The following CDH9 variants were observed in gnomAD, a reference collection of about 807,000 sequenced individuals.
CDH9 encodes cadherin 9.
A neutral mutation model predicts 70.9 loss-of-function variants in CDH9; 28 were observed. That is an observed-to-expected ratio of 0.40 (90% confidence interval 0.29 to 0.54). The LOEUF (loss-of-function observed/expected upper bound fraction) is 0.54, where lower values mean the gene tolerates loss of function less well. Among genes scored for constraint, CDH9 ranks in the 20% least tolerant of loss-of-function variants. CDH9 has a pLI of 0.59. For missense variants in CDH9, 874 were observed against 984.4 expected (o/e 0.89, Z 1.50); for synonymous variants, 409 against 343.1 (o/e 1.19, Z -2.12).
chr5:26,992,814 T>C (rs1742598832), intron 1 of CDH9, among the ~76,000 whole-genome samples: 1 of 152,014 alleles, frequency 6.6e-6, no homozygotes, highest in African/African-American at 2.4e-5. Flanking sequence ...ATCTAAATAA[T>C]GGCCGGGCGT....
chr5:27,032,575 C>T (rs1579524379), intron 1 of CDH9, among the ~76,000 whole-genome samples: 1 of 151,478 alleles, frequency 6.6e-6, no homozygotes, highest in South Asian at 2.1e-4. Flanking sequence ...TATTCCACTC[C>T]CTGCTTAATA....
chr5:27,023,310 C>G (rs1743170592), intron 1 of CDH9, among the ~76,000 whole-genome samples: 2 of 151,890 alleles, frequency 1.3e-5, no homozygotes, highest in Admixed American at 1.3e-4. Flanking sequence ...TCGGGAGGCT[C>G]GGTTGATTCA....
rs574429664 is a variant in CDH9 at position 27,004,691 on chromosome 5, T to G, written c.-49-16309A>C. On this transcript the variant is annotated intron_variant, in intron 1 of 11. Transcript: ENST00000231021. Reference sequence around the variant, plus strand: ...TACTAATGAGAGACACATGAGATGTTCAGGTTGTGTGTGGGAGTAGAAAGT... The same window carrying G: ...TACTAATGAGAGACACATGAGATGTGCAGGTTGTGTGTGGGAGTAGAAAGT... Among the ~76,000 whole-genome samples the G allele has an allele frequency of 1.8e-4, 27 of 152,246 alleles. No homozygotes were observed. The South Asian group carries it at 5.6e-3, about 32-fold the overall frequency.
intron 2 of CDH9, among the ~76,000 whole-genome samples, chr5:26,936,818 C>T (rs1403388904): frequency 6.6e-6 from 1 of 151,812 alleles, no homozygotes; most frequent in Non-Finnish European, 1.5e-5. Context: ...TGGGCATCTG[C>T]ATTGAAAAAT....
intron 1 of CDH9, among the ~76,000 whole-genome samples, chr5:27,017,234 A>G (rs1743061455): frequency 6.6e-6 from 1 of 152,012 alleles, no homozygotes; most frequent in Non-Finnish European, 1.5e-5. Context: ...GTAGAGGAAG[A>G]GATTTGAGGT....
intron 2 of CDH9, 21 bp downstream of exon 2, chr5:26,988,085 T>A: frequency 6.4e-7 from 1 of 1,555,452 alleles, no homozygotes; most frequent in Non-Finnish European, 8.8e-7. Context: ...GCTTTTAGAT[T>A]TCTCATACAA....
At chr5:26,892,264 G>T (rs1398447655) in intron 7 of CDH9, among the ~76,000 whole-genome samples, 2 of 152,050 alleles carry the variant, frequency 1.3e-5, no homozygotes, top group African/African-American at 4.8e-5. Context: ...GTCTTTAATT[G>T]AGCCATATCA....
At chr5:26,899,532 C>A (rs1004638671) in intron 7 of CDH9, among the ~76,000 whole-genome samples, 1 of 152,078 alleles carries the variant, frequency 6.6e-6, no homozygotes, top group African/African-American at 2.4e-5. Context: ...TCATCATTCT[C>A]AACAAATTAA....
rs1454268518 is a variant in CDH9, at chr5:26,905,969, T to C, written c.801A>G (p.Arg267=). 6.2e-7 allele frequency: 1 copy of C among 1,613,206 alleles called. No individual in the cohort carries two copies. ...TLTDVNNNPP[R]FPQSTYQFNS... The stretch of plus-strand genomic sequence containing the variant: ...TGAAACATTTCTTACTCTGGGGAAA[T>C]CGAGGAGGGTTGTTGTTGACATCTG... Residue 267 remains arginine, a synonymous_variant, in exon 5 of 12, where the codon CGA becomes CGG. Transcript: ENST00000231021.
intron 2 of CDH9, among the ~76,000 whole-genome samples, chr5:26,925,385 C>T (rs1188076567): frequency 3.3e-5 from 5 of 151,936 alleles, no homozygotes; most frequent in Non-Finnish European, 7.4e-5. Flanking sequence ...TGCCCACTTT[C>T]TGATGGGGTT....
At chr5:26,922,565 C>A (rs1361808171) in intron 2 of CDH9, among the ~76,000 whole-genome samples, 1 of 151,876 alleles carries the variant, frequency 6.6e-6, no homozygotes, top group Non-Finnish European at 1.5e-5. Context: ...TTCATCAACA[C>A]CAGACCTGAC....
At chr5:27,005,852 G>C (rs1007485699) in intron 1 of CDH9, among the ~76,000 whole-genome samples, 4 of 152,136 alleles carry the variant, frequency 2.6e-5, no homozygotes, top group African/African-American at 9.7e-5. Context: ...AAGGAATGCA[G>C]TCATATCTTT....
In CDH9 at chr5:26,906,029, G is replaced by C; in HGVS notation, c.741C>G (p.Gly247=). 4 of 1,613,358 alleles carry C rather than the reference G, an allele frequency of 2.5e-6. No individual in the cohort carries two copies. Among genetic ancestry groups the C allele is most frequent in the South Asian group, 1.1e-5 (1 of 91,074 alleles). Residue 247 remains glycine, a synonymous_variant, in exon 5 of 12, where the codon GGC becomes GGG. Transcript: ENST00000231021. ...TGTTCACTGTGGTGGTTCCAGAAAG[G>C]CCTCCCATCTGGCCACCCATGTCTT... ...QAKDMGGQMG[G]LSGTTTVNIT...
chr5:26,917,353 C>A (rs891650282), intron 2 of CDH9, among the ~76,000 whole-genome samples: 2 of 151,640 alleles, frequency 1.3e-5, no homozygotes, highest in African/African-American at 4.8e-5. Context: ...CTTCAGTGGT[C>A]TTTTGCCCTG....
chr5:27,035,675 C>CGT (rs56317555), intron 1 of CDH9, among the ~76,000 whole-genome samples: 2,874 of 142,818 alleles, frequency 0.02, 44 homozygotes, highest in South Asian at 0.064. Context: ...TTGCTATTGA[C>CGT]GTGTGTGTGT....
intron 2 of CDH9, among the ~76,000 whole-genome samples, chr5:26,986,104 G>A (rs554732408): frequency 1.3e-5 from 2 of 151,792 alleles, no homozygotes; most frequent in South Asian, 2.1e-4. Flanking sequence ...AGTAGTATAA[G>A]TATTTTATTT....
chr5:26,904,505 A>G (rs754182396), intron 5 of CDH9, among the ~76,000 whole-genome samples: 3 of 152,092 alleles, frequency 2.0e-5, no homozygotes, highest in Admixed American at 6.6e-5. Context: ...CAAGGTCTAA[A>G]GGCTTATATG....
At chr5:26,903,474 T>G in intron 6 of CDH9, 163 bp downstream of exon 6, 1 of 712,960 alleles carries the variant, frequency 1.4e-6, no homozygotes, top group Non-Finnish European at 2.6e-6. Flanking sequence ...ATGAAGACAT[T>G]TAACTTGCTT....
chr5:26,902,708 T>C lies in CDH9; in HGVS notation c.1021A>G (p.Met341Val). Reference protein sequence around the residue: ...VKQNLDFENQMLYTLRVDASN... With the variant: ...VKQNLDFENQVLYTLRVDASN... ...GCATCCACTCTTAAAGTATAGAGCA[T>C]TTGATTTTCAAAATCTAAATTCTGG... The change falls in exon 7 of 12, where the codon ATG becomes GTG. Residue 341 changes from methionine to valine, a missense_variant. Transcript: ENST00000231021. 6.4e-7 allele frequency: 1 copy of C among 1,558,794 alleles called. No individual in the cohort carries two copies. Among genetic ancestry groups the C allele is most frequent in the East Asian group, 2.2e-5 (1 of 44,494 alleles).
Sources: gnomAD v4.1 joint callset for allele counts (sites outside exome capture counted in the v4.1 genomes callset) on GRCh38, gnomAD v4.1.1 for gene constraint, MANE v1.5 for transcripts, NCBI Gene and HGNC (gene_info 2026-07-23, HGNC 2026-07-21) for gene names.